Variants in DISP3 observed in about 807,000 individuals in gnomAD.
DISP3 encodes the protein protein dispatched homolog 3.
In DISP3, 101 loss-of-function variants were observed where a neutral mutation model predicts 135.3. That is an observed-to-expected ratio of 0.75 (90% CI 0.64 to 0.88). DISP3 has a LOEUF of 0.88. DISP3 is among the 40% of genes least tolerant of loss of function. The pLI is 0.00. For synonymous variants in DISP3, 856 were observed against 817.0 expected (o/e 1.05, Z -0.81); for missense variants, 1,713 against 1,878.6 (o/e 0.91, Z 1.63).
chr1:11,491,990 CGGGCGCCTGTAGTCCCA>C lies in DISP3; in HGVS notation c.-3-8998_-3-8982del, dbSNP rs1553152154. On this transcript the variant is annotated intron_variant, in intron 1 of 20. Coordinates refer to ENST00000294484, the MANE Select transcript of DISP3 (RefSeq NM_020780.2). The surrounding 1 kb of genome is among the most constrained non-coding windows in gnomAD (Gnocchi z 4.3). ...ACAAAAAATTAGCCGGGCGTAGTGG[CGGGCGCCTGTAGTCCCA>C]GCTACTTGGGAGGCTGAGGCAGGAG... is the stretch of plus-strand genomic sequence containing the variant. Among the ~76,000 whole-genome samples, 1 of 150,166 alleles carries C rather than the reference CGGGCGCCTGTAGTCCCA, an allele frequency of 6.7e-6. No individual in the cohort carries two copies. Among genetic ancestry groups the C allele is most frequent in the Non-Finnish European group, 1.5e-5 (1 of 67,212 alleles).
At chr1:11,528,028 C>T (rs375488232) in intron 13 of DISP3, among the ~76,000 whole-genome samples, 1 of 152,234 alleles carries the variant, frequency 6.6e-6, no homozygotes, top group East Asian at 1.9e-4. Context: ...GCCGCCTCCC[C>T]AGCACCTGTC....
rs1642701793 is a variant in DISP3 at position 11,536,178 on chromosome 1, C to A, written c.3817-146C>A. 1 of 1,209,924 alleles carries A rather than the reference C, an allele frequency of 8.3e-7. No homozygotes were observed. Among genetic ancestry groups the A allele is most frequent in the Non-Finnish European group, 1.1e-6 (1 of 893,534 alleles). 74.9% of individuals were successfully genotyped at this position (1,209,924 alleles called of 1,614,324 possible). On this transcript the variant is annotated intron_variant, in intron 20 of 20. Transcript: ENST00000294484. This position sits in a 1 kb window ranked among gnomAD's most constrained non-coding sequence, Gnocchi z 4.3. ...ATAGCAACACCTACCTGGTTCCTAC[C>A]CTCCCAACCCTGGGAGGCCACTTGC...
At chr1:11,506,654 C>G (rs1055469833) in intron 3 of DISP3, among the ~76,000 whole-genome samples, 1 of 152,122 alleles carries the variant, frequency 6.6e-6, no homozygotes, top group African/African-American at 2.4e-5. Flanking sequence ...ATTTTCCTCT[C>G]TGTTCTTAAA....
intron 3 of DISP3, among the ~76,000 whole-genome samples, chr1:11,504,403 C>T: frequency 6.6e-6 from 1 of 152,240 alleles, no homozygotes; most frequent in South Asian, 2.1e-4. Flanking sequence ...TGCCTTATTT[C>T]TTTGTCAGGC....
rs1640957599 is a variant in DISP3, at chr1:11,483,431, C to T, written c.-4+4059C>T. ...CACCATCTCATGTCACATGAATTGTCATCCTCACTTAATGTGTGGGAAAAA... is the reference window on the plus strand; with the variant it reads ...CACCATCTCATGTCACATGAATTGTTATCCTCACTTAATGTGTGGGAAAAA... On this transcript the variant is annotated intron_variant, in intron 1 of 20. Coordinates refer to ENST00000294484, the MANE Select transcript of DISP3 (RefSeq NM_020780.2). This position sits in a 1 kb window ranked among gnomAD's most constrained non-coding sequence, Gnocchi z 5.4. Among the ~76,000 whole-genome samples, 1 of 152,220 alleles carries T rather than the reference C, an allele frequency of 6.6e-6. No individual in the cohort carries two copies. The highest frequency in any genetic ancestry group is 1.5e-5 in the Non-Finnish European group (1 of 68,032).
rs776613561 is a variant in DISP3 at position 11,501,821 on chromosome 1, C to A, written c.829C>A (p.Leu277Ile). Residue 277 changes from leucine (L) to isoleucine (I), a missense_variant, in exon 2 of 21, where the codon CTC becomes ATC. Physicochemically the swap from Leu to Ile is conservative, Grantham distance 5. This residue lies in a region of DISP3 where 571 missense variants were observed against 494.1 expected (regional missense o/e 1.16). Transcript: ENST00000294484. The surrounding 1 kb of genome is among the most constrained non-coding windows in gnomAD (Gnocchi z 4.9). ...TQTHAHWRIE[L>I]IFLARGDAER... ...GACGCACGCGCACTGGCGCATCGAGCTCATCTTCCTGGCGCGCGGCGACGC... is the reference window on the plus strand; with the variant it reads ...GACGCACGCGCACTGGCGCATCGAGATCATCTTCCTGGCGCGCGGCGACGC... 4 of 1,610,388 alleles carry A rather than the reference C, an allele frequency of 2.5e-6. No homozygotes were observed. In the East Asian group the frequency reaches 8.9e-5, roughly 36 times the overall value.
Position 11,516,243 on chromosome 1 carries a change from C to T in DISP3, c.1749+82C>T. 2 of 1,510,718 alleles carry T rather than the reference C, an allele frequency of 1.3e-6. No homozygotes were observed. Among genetic ancestry groups the T allele is most frequent in the Non-Finnish European group, 1.8e-6 (2 of 1,108,382 alleles). 93.6% of individuals were successfully genotyped at this position (1,510,718 alleles called of 1,614,324 possible). ...CCGCTGGTCTCTGCCCTTCCCACCA[C>T]CGCTTGAGTGGCCATATAGCCTTCA... On this transcript the variant is annotated intron_variant, in intron 6 of 20. Coordinates refer to ENST00000294484, the MANE Select transcript of DISP3 (RefSeq NM_020780.2). The surrounding 1 kb of genome is among the most constrained non-coding windows in gnomAD (Gnocchi z 5.1).
At chr1:11,484,114 G>A (rs1640974092) in intron 1 of DISP3, among the ~76,000 whole-genome samples, 1 of 152,158 alleles carries the variant, frequency 6.6e-6, no homozygotes, top group Admixed American at 6.5e-5. Context: ...AGTCCTCTCC[G>A]CTGCACCCCC....
chr1:11,531,660 G>C lies in DISP3; in HGVS notation c.3325G>C (p.Val1109Leu). The stretch of plus-strand genomic sequence containing the variant: ...CCCGGGGCAGCTGTCCCACGGGGCA[G>C]TGGGCGTCAGGGAGGGCCGCGTGCA... ...LLPGQLSHGA[V>L]GVREGRVQWI... is the part of the protein sequence containing the mutation. The change falls in exon 17 of 21, where the codon GTG (valine) becomes CTG (leucine). Residue 1109 changes from valine to leucine, a missense_variant. Physicochemically the swap from Val to Leu is conservative, Grantham distance 32. Transcript: ENST00000294484. This position sits in a 1 kb window ranked among gnomAD's most constrained non-coding sequence, Gnocchi z 5.2. The C allele has an allele frequency of 6.2e-7, 1 of 1,612,934 alleles. No individual in the cohort carries two copies. The highest frequency in any genetic ancestry group is 8.5e-7 in the Non-Finnish European group (1 of 1,179,698).
intron 3 of DISP3, among the ~76,000 whole-genome samples, chr1:11,505,055 ACT>A (rs1641659087): frequency 1.3e-5 from 2 of 151,986 alleles, no homozygotes; most frequent in African/African-American, 4.8e-5. Context: ...AGTGCTTCTC[ACT>A]CTGTCTTTTA....
chr1:11,480,553 C>T (rs1407848452), intron 1 of DISP3, among the ~76,000 whole-genome samples: 1 of 152,070 alleles, frequency 6.6e-6, no homozygotes, highest in East Asian at 1.9e-4. Flanking sequence ...TTGCTGTCTC[C>T]GGACTCACTG....
chr1:11,526,628 G>A, intron 12 of DISP3, 23 bp from the exon 13 acceptor site: 1 of 1,601,430 alleles, frequency 6.2e-7, no homozygotes, highest in South Asian at 1.1e-5. Flanking sequence ...CATGTGTCTT[G>A]TCTCTGTCAA....
Position 11,514,534 on chromosome 1 carries a change from T to C in DISP3, c.1453+8T>C. On this transcript the variant is annotated splice_region_variant and intron_variant, in intron 4 of 20. Coordinates refer to ENST00000294484, the MANE Select transcript of DISP3 (RefSeq NM_020780.2). The stretch of plus-strand genomic sequence containing the variant: ...TCCTCACCTCCTGCTCAGGTAGGGC[T>C]TCTCTCAAGCCAGCCCCCTCCTCCC... The C allele has an allele frequency of 6.2e-7, 1 of 1,611,730 alleles. No homozygotes were observed. Among genetic ancestry groups the C allele is most frequent in the Non-Finnish European group, 8.5e-7 (1 of 1,178,282 alleles).
intron 2 of DISP3, 48 bp from the exon 3 acceptor site, chr1:11,502,630 G>A (rs1303027182): frequency 1.4e-6 from 2 of 1,481,150 alleles, no homozygotes; most frequent in Non-Finnish European, 1.9e-6. Context: ...GAGGGTTGGT[G>A]GGAGCTGACC....
chr1:11,494,025 C>T (rs1001088310), intron 1 of DISP3, among the ~76,000 whole-genome samples: 2 of 152,194 alleles, frequency 1.3e-5, no homozygotes, highest in Non-Finnish European at 2.9e-5. Context: ...CAAGTACTGA[C>T]ATATCAGCTC....
chr1:11,479,201 T>G lies in DISP3; in HGVS notation c.-175T>G, dbSNP rs548736167. 6.3e-6 allele frequency: 1 copy of G among 159,682 alleles called. No homozygotes were observed. The highest frequency in any genetic ancestry group is 2.4e-5 in the African/African-American group (1 of 41,440). 9.9% of individuals were successfully genotyped at this position (159,682 alleles called of 1,614,324 possible). A position where few individuals can be genotyped will look rare whatever the true frequency, so the allele number is the denominator to read the frequency against. On this transcript the variant is annotated 5_prime_UTR_variant, in exon 1 of 21. Transcript: ENST00000294484. ...GATTCGCGCGCAGCTTCCCGCGGTC[T>G]GCTTGCCCTGGAGCGGAGGGGGAGC...
rs772009852 is a variant in DISP3 at position 11,519,400 on chromosome 1, A to C, written c.1935A>C (p.Gly645=). ...CSRKTSLHFP[G]DVFAAPEQVG... is the part of the protein sequence containing the mutation. ...GGAAGACCTCCCTGCACTTCCCCGG[A>C]GACGTGTTTGCCGCTCCCGAGCAGG... Residue 645 remains glycine (G), a synonymous_variant, in exon 8 of 21, where the codon GGA becomes GGC. Coordinates refer to ENST00000294484, the MANE Select transcript of DISP3 (RefSeq NM_020780.2). The surrounding 1 kb of genome is among the most constrained non-coding windows in gnomAD (Gnocchi z 4.3). The C allele has an allele frequency of 6.2e-7, 1 of 1,613,776 alleles. No homozygotes were observed. The highest frequency in any genetic ancestry group is 2.2e-5 in the East Asian group (1 of 44,868).
At chr1:11,517,441 C>G in intron 6 of DISP3, 22 bp from the exon 7 acceptor site, 1 of 1,613,184 alleles carries the variant, frequency 6.2e-7, no homozygotes, top group South Asian at 1.1e-5. Context: ...TCCCACATCC[C>G]TCTCTTCCTT....
chr1:11,490,038 C>A (rs1641139987), intron 1 of DISP3, among the ~76,000 whole-genome samples: 1 of 152,088 alleles, frequency 6.6e-6, no homozygotes, highest in Non-Finnish European at 1.5e-5. Context: ...GGACTGGCTG[C>A]TGGGCCCAGA....
Sources: gnomAD v4.1 joint callset for allele counts (sites outside exome capture counted in the v4.1 genomes callset) on GRCh38, gnomAD v4.1.1 for gene constraint, gnomAD v4.1.1 regional missense constraint, Gnocchi (gnomAD v3.1) non-coding constraint, MANE v1.5 for transcripts, NCBI Gene and HGNC (gene_info 2026-07-23, HGNC 2026-07-21) for gene names.